ST8SIA4: variants seen among roughly 807,000 people sequenced by gnomAD.
ST8SIA4 encodes ST8 alpha-N-acetyl-neuraminide alpha-2,8-sialyltransferase 4, also known as CMP-N-acetylneuraminate-poly-alpha-2,8-sialyltransferase.
ST8SIA4 carries 15 observed loss-of-function variants against 33.9 expected under a neutral mutation model. The ratio of observed to expected loss-of-function variants is 0.44; its 90% confidence interval spans 0.30 to 0.68. The LOEUF (loss-of-function observed/expected upper bound fraction) is 0.68, where lower values mean the gene tolerates loss of function less well. ST8SIA4 is among the 30% of genes least tolerant of loss of function. The pLI is 0.10. For missense variants in ST8SIA4, 321 were observed against 428.0 expected (o/e 0.75, Z 2.21); for synonymous variants, 171 against 151.2 (o/e 1.13, Z -0.96).
At chr5:100,830,587 A>G (rs532356311) in intron 4 of ST8SIA4, among the ~76,000 whole-genome samples, 8 of 152,330 alleles carry the variant, frequency 5.3e-5, no homozygotes, top group Admixed American at 3.3e-4. Context: ...TTACCTCTAT[A>G]AACCGTCAAC....
At chr5:100,848,561 T>A (rs945607221) in intron 4 of ST8SIA4, among the ~76,000 whole-genome samples, 54 of 150,104 alleles carry the variant, frequency 3.6e-4, no homozygotes, top group African/African-American at 1.2e-3. Context: ...TTGTATATAA[T>A]ATATTAATAT....
chr5:100,834,810 G>T (rs924736322), intron 4 of ST8SIA4, among the ~76,000 whole-genome samples: 1 of 152,058 alleles, frequency 6.6e-6, no homozygotes, highest in Non-Finnish European at 1.5e-5. Context: ...CTTTTGTCAT[G>T]ATTGTAAGCT....
chr5:100,828,456 A>C (rs1386624980), intron 4 of ST8SIA4, among the ~76,000 whole-genome samples: 2 of 152,142 alleles, frequency 1.3e-5, no homozygotes, highest in Admixed American at 6.5e-5. Flanking sequence ...TCAAAAAGCA[A>C]TACCTCTTTG....
At position 100,856,292 on chromosome 5, in the gene ST8SIA4, C is replaced by T. The variant is rs372014886; in HGVS notation, c.608G>A (p.Arg203Gln). 4.5e-5 allele frequency: 72 copies of T among 1,613,920 alleles called. No individual in the cohort carries two copies. Among genetic ancestry groups the T allele is most frequent in the Admixed American group, 2.2e-4 (13 of 59,984 alleles). Reference protein sequence around the residue: ...SVVQRAFGGFRNESDREKFVH... With the variant: ...SVVQRAFGGFQNESDREKFVH... ...AAATTTTTCTCTGTCACTCTCATTT[C>T]GAAAGCCTCCAAATGCTCTTTGTAC... Residue 203 changes from arginine to glutamine, a missense_variant, in exon 4 of 5, where the codon CGA becomes CAA. By Grantham distance (43) the Arg-to-Gln change is conservative (BLOSUM62 1). Coordinates refer to ENST00000231461, the MANE Select transcript of ST8SIA4 (RefSeq NM_005668.6).
chr5:100,811,218 A>G lies in ST8SIA4; in HGVS notation c.*629T>C, dbSNP rs1750811317. The G allele has an allele frequency of 6.6e-6, 1 of 152,418 alleles. No individual in the cohort carries two copies. Among genetic ancestry groups the G allele is most frequent in the Admixed American group, 6.6e-5 (1 of 15,244 alleles). The allele number at this position is 152,418 out of a possible 1,614,324, so 9.4% of individuals were successfully genotyped here. A position where few individuals can be genotyped will look rare whatever the true frequency, so the allele number is the denominator to read the frequency against. ...GTGATAGCTTTTAAAAAGTATAAGA[A>G]CTTTAAAAATAATTACTTAAAGTTT... On this transcript the variant is annotated 3_prime_UTR_variant, in exon 5 of 5. Transcript: ENST00000231461.
At chr5:100,815,037 T>G (rs1348145314) in intron 4 of ST8SIA4, among the ~76,000 whole-genome samples, 1 of 152,006 alleles carries the variant, frequency 6.6e-6, no homozygotes, top group East Asian at 1.9e-4. Flanking sequence ...TAATGGAATA[T>G]TCACACTGTT....
chr5:100,865,172 G>T (rs1752036604), intron 3 of ST8SIA4, among the ~76,000 whole-genome samples: 1 of 152,202 alleles, frequency 6.6e-6, no homozygotes, highest in South Asian at 2.1e-4. Context: ...TTAGGAAAAT[G>T]TGGTTAAACT....
rs199606889 is a variant in ST8SIA4 at position 100,840,818 on chromosome 5, TACATATATTCCA to T, written c.797+15273_797+15284del. ...AAAAAAGTCCCCAAAGTTTTCTTATTACATATATTCCAAACAATAAAAACAAATGAAGATAGT... is the reference window on the plus strand; with the variant it reads ...AAAAAAGTCCCCAAAGTTTTCTTATTAACAATAAAAACAAATGAAGATAGT... On this transcript the variant is annotated intron_variant, in intron 4 of 4. Transcript: ENST00000231461. Among the ~76,000 whole-genome samples, 1,130 of 151,794 alleles carry T rather than the reference TACATATATTCCA, an allele frequency of 7.4e-3. 11 individuals carry two copies. The highest frequency in any genetic ancestry group is 0.025 in the African/African-American group (1,047 of 41,460).
chr5:100,872,503 C>T (rs1392562859), intron 3 of ST8SIA4, among the ~76,000 whole-genome samples: 3 of 151,960 alleles, frequency 2.0e-5, no homozygotes, highest in African/African-American at 7.3e-5. Context: ...TTCTCATAAC[C>T]CTCAAGTATC....
In ST8SIA4 at chr5:100,886,478, T is replaced by A; in HGVS notation, c.368A>T (p.Asp123Val). 2 of 1,613,908 alleles carry A rather than the reference T, an allele frequency of 1.2e-6. No individual in the cohort carries two copies. The highest frequency in any genetic ancestry group is 8.5e-7 in the Non-Finnish European group (1 of 1,179,834). ...DRRRTLNISH[D>V]LHSLLPEVSP... ...AACTTCAGGTAGGAGGCTATGTAGA[T>A]CATGAGAAATGTTTAGTGTCCGGCG... The change falls in exon 3 of 5, where the codon GAT (aspartate) becomes GTT (valine). Residue 123 changes from aspartate to valine, a missense_variant. Asp to Val is a radical substitution (Grantham distance 152). Coordinates refer to ENST00000231461, the MANE Select transcript of ST8SIA4 (RefSeq NM_005668.6).
chr5:100,867,180 G>T (rs1455755328), intron 3 of ST8SIA4, among the ~76,000 whole-genome samples: 1 of 152,052 alleles, frequency 6.6e-6, no homozygotes, highest in Non-Finnish European at 1.5e-5. Flanking sequence ...CCTGAGGAAT[G>T]CAGGGAAAAA....
rs1751535549 is a variant in ST8SIA4 at position 100,844,888 on chromosome 5, A to T, written c.797+11215T>A. 2.0e-5 allele frequency among the ~76,000 whole-genome samples: 3 copies of T among 152,084 alleles called. No homozygotes were observed. In the South Asian group the frequency reaches 6.2e-4, roughly 31 times the overall value. On this transcript the variant is annotated intron_variant, in intron 4 of 4. Transcript: ENST00000231461. ...AAGGTTTTAGAGCAAAGAGAAAAAG[A>T]AACAGAAATGACTCTTTCTTTGATC...
intron 4 of ST8SIA4, 146 bp downstream of exon 4, chr5:100,855,957 G>A: frequency 1.2e-6 from 1 of 828,970 alleles, no homozygotes; most frequent in Non-Finnish European, 1.8e-6. Flanking sequence ...CAAACTTCAA[G>A]TTTGTAAATA....
intron 3 of ST8SIA4, among the ~76,000 whole-genome samples, chr5:100,866,545 G>A (rs1033173407): frequency 4.7e-5 from 7 of 149,636 alleles, no homozygotes; most frequent in African/African-American, 1.7e-4. Context: ...CACTTGTAAA[G>A]GACTTCAAGA....
intron 3 of ST8SIA4, among the ~76,000 whole-genome samples, chr5:100,872,286 A>C (rs971474558): frequency 3.9e-5 from 6 of 152,060 alleles, no homozygotes; most frequent in Non-Finnish European, 5.9e-5. Flanking sequence ...GATCAAATCA[A>C]GGTAATTACC....
chr5:100,875,527 T>G (rs1752286941), intron 3 of ST8SIA4, among the ~76,000 whole-genome samples: 2 of 152,142 alleles, frequency 1.3e-5, no homozygotes, highest in East Asian at 3.9e-4. Flanking sequence ...ATAATAAACC[T>G]GGCCGTAGAC....
chr5:100,891,575 G>A, intron 2 of ST8SIA4, among the ~76,000 whole-genome samples: 1 of 151,944 alleles, frequency 6.6e-6, no homozygotes, highest in South Asian at 2.1e-4. Flanking sequence ...AGGCAAAATT[G>A]TCCCACAATA....
chr5:100,821,312 G>T (rs560920022), intron 4 of ST8SIA4, among the ~76,000 whole-genome samples: 1 of 152,230 alleles, frequency 6.6e-6, no homozygotes, highest in East Asian at 1.9e-4. Flanking sequence ...AAATGGGTTA[G>T]ATAGGGAAGA....
rs961518347 is a variant in ST8SIA4 at position 100,809,795 on chromosome 5, A to G, written c.*2052T>C. On this transcript the variant is annotated 3_prime_UTR_variant, in exon 5 of 5. Transcript: ENST00000231461. The stretch of plus-strand genomic sequence containing the variant: ...GTACATTAATGTTCCATTCATTTTT[A>G]GCTATCAGTCTCCTATACGCATTAG... 1 of 152,196 alleles carries G rather than the reference A, an allele frequency of 6.6e-6. No homozygotes were observed. Among genetic ancestry groups the G allele is most frequent in the African/African-American group, 2.4e-5 (1 of 41,456 alleles). 9.4% of individuals were successfully genotyped at this position (152,196 alleles called of 1,614,324 possible).
Sources: allele counts gnomAD v4.1 joint callset (sites outside exome capture counted in the v4.1 genomes callset), GRCh38; gene constraint gnomAD v4.1.1; transcripts MANE v1.5; gene names NCBI Gene and HGNC (gene_info 2026-07-23, HGNC 2026-07-21).